Variants in SCN9A observed in about 807,000 individuals in gnomAD.
The protein encoded by SCN9A is sodium voltage-gated channel alpha subunit 9, also known as sodium channel protein type 9 subunit alpha.
Under a neutral mutation model 187.0 loss-of-function variants are expected in SCN9A, and 131 were observed. That is an observed-to-expected ratio of 0.70 (90% CI 0.61 to 0.81). SCN9A has a LOEUF of 0.81. SCN9A is among the 30% of genes least tolerant of loss of function. SCN9A has a pLI of 0.00. For missense variants in SCN9A, 2,252 were observed against 2,396.6 expected, an observed-to-expected ratio of 0.94 and a Z score of 1.26; for synonymous variants, 809 against 808.6, an observed-to-expected ratio of 1.00 and a Z score of -0.01.
At chr2:166,365,809 A>G (rs1700400497) in intron 1 of SCN9A, among the ~76,000 whole-genome samples, 1 of 152,182 alleles carries the variant, frequency 6.6e-6, no homozygotes, top group South Asian at 2.1e-4. Flanking sequence ...CTTATGGTAC[A>G]ATGATGGATA....
chr2:166,341,027 C>T (rs149846122), intron 1 of SCN9A, among the ~76,000 whole-genome samples: 1 of 152,078 alleles, frequency 6.6e-6, no homozygotes, highest in African/African-American at 2.4e-5. Context: ...TTATTATGTG[C>T]ATTGATATAC....
At chr2:166,258,700 T>A (rs1319886367) in intron 17 of SCN9A, among the ~76,000 whole-genome samples, 4 of 151,714 alleles carry the variant, frequency 2.6e-5, no homozygotes, top group African/African-American at 9.7e-5. Flanking sequence ...CATAAATACA[T>A]AACCAGAATT....
At chr2:166,357,719 C>T (rs567506427) in intron 1 of SCN9A, among the ~76,000 whole-genome samples, 6 of 152,198 alleles carry the variant, frequency 3.9e-5, no homozygotes, top group Non-Finnish European at 8.8e-5. Context: ...TCAATTTCCT[C>T]ACTCCTCACT....
chr2:166,358,371 A>C (rs2105310306), intron 1 of SCN9A, among the ~76,000 whole-genome samples: 1 of 152,172 alleles, frequency 6.6e-6, no homozygotes, highest in East Asian at 1.9e-4. Flanking sequence ...CACCCGGCCG[A>C]AAACTTCTTA....
intron 21 of SCN9A, among the ~76,000 whole-genome samples, chr2:166,229,882 T>A (rs570901130): frequency 5.3e-5 from 8 of 152,274 alleles, no homozygotes; most frequent in African/African-American, 1.7e-4. Context: ...AACCTACCTG[T>A]CATCTTACAC....
intron 13 of SCN9A, 75 bp downstream of exon 13, chr2:166,281,604 T>G: frequency 7.4e-7 from 1 of 1,355,398 alleles, no homozygotes; most frequent in East Asian, 2.3e-5. Context: ...GAATTTCATG[T>G]GCCTATTTAA....
chr2:166,232,481 A>G (rs1480166694), intron 21 of SCN9A, among the ~76,000 whole-genome samples: 1 of 152,168 alleles, frequency 6.6e-6, no homozygotes, highest in Non-Finnish European at 1.5e-5. Flanking sequence ...CTCCTTACCC[A>G]GGTAGTTTCT....
intron 1 of SCN9A, among the ~76,000 whole-genome samples, chr2:166,367,742 T>C (rs545789688): frequency 5.9e-5 from 9 of 152,284 alleles, no homozygotes; most frequent in African/African-American, 2.2e-4. Flanking sequence ...ACCAGGAAAG[T>C]GAAGTCATTC....
intron 17 of SCN9A, among the ~76,000 whole-genome samples, chr2:166,260,808 T>C (rs1350407561): frequency 6.6e-6 from 1 of 151,894 alleles, no homozygotes; most frequent in Non-Finnish European, 1.5e-5. Context: ...AATATCTGTG[T>C]TCAGTAACAT....
chr2:166,201,308 C>T (rs1425172996), intron 26 of SCN9A, among the ~76,000 whole-genome samples: 2 of 146,122 alleles, frequency 1.4e-5, no homozygotes, highest in African/African-American at 2.5e-5. Flanking sequence ...ACTAAGTATA[C>T]GTATATACAG....
At chr2:166,217,458 A>G (rs1694385460) in intron 24 of SCN9A, among the ~76,000 whole-genome samples, 1 of 152,106 alleles carries the variant, frequency 6.6e-6, no homozygotes, top group Non-Finnish European at 1.5e-5. Flanking sequence ...CAAACCATAC[A>G]TCTGATAAAG....
Position 166,297,175 on chromosome 2 carries a change from C to T in SCN9A, c.902-2513G>A, listed in dbSNP as rs572690390. ...TAGCGACACTGCATTCCAGCCTAGG[C>T]GACAGAGTGAGACTCCATCTCAAAA... On this transcript the variant is annotated intron_variant, in intron 7 of 26. Coordinates refer to ENST00000642356, the MANE Select transcript of SCN9A (RefSeq NM_001365536.1). Among the ~76,000 whole-genome samples, 158 of 99,486 alleles carry T rather than the reference C, an allele frequency of 1.6e-3. 1 individual carries two copies. The highest frequency in any genetic ancestry group is 2.3e-3 in the Non-Finnish European group (124 of 53,636). The allele number at this position is 99,486 out of a possible 152,430, so 65.3% of individuals were successfully genotyped here.
Position 166,305,802 on chromosome 2 carries a change from TGAC to T in SCN9A, c.583_585del (p.Val195del). 1.9e-6 allele frequency: 3 copies of T among 1,613,310 alleles called. No homozygotes were observed. Among genetic ancestry groups the T allele is most frequent in the Non-Finnish European group, 2.5e-6 (3 of 1,179,520 alleles). The stretch of plus-strand genomic sequence containing the variant: ...GCTGAAAGTACTTACGCAAAAACAA[TGAC>T]GACAAAATCCAGCCAGTTCCACGGG... On this transcript the variant is annotated inframe_deletion, in exon 5 of 27. Coordinates refer to ENST00000642356, the MANE Select transcript of SCN9A (RefSeq NM_001365536.1).
At chr2:166,218,950 C>T (rs184451717) in intron 24 of SCN9A, among the ~76,000 whole-genome samples, 1 of 151,996 alleles carries the variant, frequency 6.6e-6, no homozygotes, top group African/African-American at 2.4e-5. Context: ...ATGCAACAAA[C>T]AAGCATATGA....
At chr2:166,234,307 A>T (rs1267299702) in intron 20 of SCN9A, among the ~76,000 whole-genome samples, 1 of 152,194 alleles carries the variant, frequency 6.6e-6, no homozygotes, top group East Asian at 1.9e-4. Context: ...CATGGAAAAT[A>T]TTCATTTGCC....
intron 18 of SCN9A, among the ~76,000 whole-genome samples, 196 bp from the exon 19 acceptor site, chr2:166,242,852 A>G (rs1205152847): frequency 2.0e-5 from 3 of 152,116 alleles, no homozygotes; most frequent in Non-Finnish European, 2.9e-5. Context: ...TTTTCTAAAT[A>G]GTTGTTAGTT....
chr2:166,328,793 T>C (rs566482323), intron 1 of SCN9A, among the ~76,000 whole-genome samples: 1 of 152,262 alleles, frequency 6.6e-6, no homozygotes, highest in South Asian at 2.1e-4. Flanking sequence ...CAAAACTATA[T>C]AGGTTAAAAT....
At chr2:166,308,329 C>T (rs549357789) in intron 2 of SCN9A, among the ~76,000 whole-genome samples, 2 of 152,230 alleles carry the variant, frequency 1.3e-5, no homozygotes, top group African/African-American at 2.4e-5. Context: ...GTAATCCCCA[C>T]GTCTCAGGGG....
intron 1 of SCN9A, among the ~76,000 whole-genome samples, chr2:166,352,685 T>C (rs1411458800): frequency 6.6e-6 from 1 of 152,216 alleles, no homozygotes; most frequent in African/African-American, 2.4e-5. Flanking sequence ...TATTCTTCTA[T>C]ATACTGATCA....
Sources: allele counts gnomAD v4.1 joint callset (sites outside exome capture counted in the v4.1 genomes callset), GRCh38; gene constraint gnomAD v4.1.1; transcripts MANE v1.5; gene names NCBI Gene and HGNC (gene_info 2026-07-23, HGNC 2026-07-21).